CIB1: variants seen among roughly 807,000 people sequenced by gnomAD.
The protein encoded by CIB1 is calcium and integrin-binding protein 1.
CIB1 carries 19 observed loss-of-function variants against 25.0 expected under a neutral mutation model. That is an observed-to-expected ratio of 0.76 (90% CI 0.53 to 1.12). The LOEUF (loss-of-function observed/expected upper bound fraction) is 1.12. Among genes scored for constraint, CIB1 ranks in the 50% most tolerant of loss-of-function variants. The pLI is 0.00. For missense variants in CIB1, 236 were observed against 242.6 expected (o/e 0.97, Z 0.18); for synonymous variants, 104 against 98.5 (o/e 1.06, Z -0.33).
At chr15:90,265,081 C>A in the CIB1 span, 402 of 1,345,684 alleles carry the variant, frequency 3.0e-4, 1 homozygote, top group Middle Eastern at 2.0e-4. Flanking sequence ...AAAGCCCTGC[C>A]CAGGAACCCC....
upstream of CIB1, chr15:90,234,043 C>T: frequency 1.2e-6 from 1 of 863,620 alleles, no homozygotes; most frequent in South Asian, 2.1e-5. Flanking sequence ...CAGGCGTTCC[C>T]AGCCGGGTTT....
At chr15:90,241,019 G>T in the CIB1 span, 2 of 1,614,044 alleles carry the variant, frequency 1.2e-6, no homozygotes, top group East Asian at 2.2e-5. Context: ...AGGATCTCAT[G>T]GCAGAAGGGA....
At chr15:90,240,788 T>G in the CIB1 span, 4 of 688,696 alleles carry the variant, frequency 5.8e-6, no homozygotes, top group Non-Finnish European at 7.1e-6. Context: ...CACTCCAGCC[T>G]GGGTGACAGA....
chr15:90,254,123 G>A, the CIB1 span, among the ~76,000 whole-genome samples: 1 of 152,020 alleles, frequency 6.6e-6, no homozygotes, highest in African/African-American at 2.4e-5. Context: ...AACCCAGGAG[G>A]TGGAGGTTGC....
the CIB1 span, chr15:90,258,732 C>T: frequency 6.2e-7 from 1 of 1,613,122 alleles, no homozygotes; most frequent in African/African-American, 1.3e-5. Context: ...TATAATGACT[C>T]CTCCTGGCAG....
At chr15:90,247,527 A>G in the CIB1 span, among the ~76,000 whole-genome samples, 3 of 151,232 alleles carry the variant, frequency 2.0e-5, no homozygotes, top group Non-Finnish European at 2.9e-5. Context: ...CAGGAAGGAC[A>G]TTGGTGTTGA....
At chr15:90,238,485 C>T (rs1361733950), upstream of CIB1, 1 of 152,120 alleles carries the variant, frequency 6.6e-6, no homozygotes, top group Non-Finnish European at 1.5e-5. Context: ...GTTTTATTAA[C>T]ATGAAGTTTC....
the CIB1 span, among the ~76,000 whole-genome samples, chr15:90,252,963 A>C: frequency 6.6e-6 from 1 of 152,206 alleles, no homozygotes; most frequent in Non-Finnish European, 1.5e-5. Flanking sequence ...AGACCGTGCC[A>C]CTGCACTCCA....
the CIB1 span, chr15:90,259,018 T>G: frequency 6.3e-7 from 1 of 1,599,824 alleles, no homozygotes; most frequent in East Asian, 2.2e-5. Context: ...TGGGGCTGAT[T>G]TGCTATCAAA....
chr15:90,233,567 T>C (rs1346676915), intron 2 of CIB1, 102 bp downstream of exon 2: 1 of 1,423,848 alleles, frequency 7.0e-7, no homozygotes, highest in Non-Finnish European at 9.7e-7. Flanking sequence ...CCCGCTCCTC[T>C]GCAGACCTCA....
the CIB1 span, chr15:90,265,692 T>G: frequency 6.2e-7 from 1 of 1,612,982 alleles, no homozygotes. Context: ...AGCCGACTGC[T>G]GAAGGCTGGT....
the CIB1 span, chr15:90,250,703 G>T: frequency 6.2e-6 from 10 of 1,614,176 alleles, no homozygotes; most frequent in Middle Eastern, 1.6e-4. Flanking sequence ...TGAGAAGTGT[G>T]TTAAAGAGGG....
At chr15:90,254,305 C>A in the CIB1 span, among the ~76,000 whole-genome samples, 1 of 151,494 alleles carries the variant, frequency 6.6e-6, no homozygotes, top group Non-Finnish European at 1.5e-5. Flanking sequence ...CCAGCCTGAC[C>A]AACAGGGTAA....
the CIB1 span, among the ~76,000 whole-genome samples, chr15:90,254,394 G>C: frequency 6.8e-6 from 1 of 147,700 alleles, no homozygotes; most frequent in South Asian, 2.2e-4. Context: ...TTAGGAGGCT[G>C]AGGCAGGAGA....
chr15:90,231,106 G>A lies in CIB1; in HGVS notation c.454C>T (p.Leu152Phe), dbSNP rs1260592581. The change falls in exon 5 of 7, where the codon CTC (leucine) becomes TTC (phenylalanine). Residue 152 changes from leucine to phenylalanine, a missense_variant. Coordinates refer to ENST00000328649, the MANE Select transcript of CIB1 (RefSeq NM_006384.4). ...GCTCAGCTGCTCACGTTGTCGATGAGCTGCTTCATCTCAGACGCACTAAGC... is the reference window on the plus strand; with the variant it reads ...GCTCAGCTGCTCACGTTGTCGATGAACTGCTTCATCTCAGACGCACTAAGC... ...TRLSASEMKQ[L>F]IDNILEESDI... is the part of the protein sequence containing the mutation. The A allele has an allele frequency of 3.1e-6, 5 of 1,614,068 alleles. No individual in the cohort carries two copies. The highest frequency in any genetic ancestry group is 4.2e-6 in the Non-Finnish European group (5 of 1,180,024).
At chr15:90,249,936 G>C in the CIB1 span, 10 of 122,344 alleles carry the variant, frequency 8.2e-5, no homozygotes, top group East Asian at 7.9e-4. Flanking sequence ...TTGGTCTTCA[G>C]CTGTATTTTA....
the CIB1 span, chr15:90,262,764 G>A: frequency 3.2e-6 from 4 of 1,263,956 alleles, no homozygotes; most frequent in Non-Finnish European, 4.2e-6. Flanking sequence ...TCCTCCCCAT[G>A]CACAAGAGAG....
At chr15:90,261,083 C>CTTT in the CIB1 span, among the ~76,000 whole-genome samples, 1 of 140,922 alleles carries the variant, frequency 7.1e-6, no homozygotes, top group Non-Finnish European at 1.6e-5. Flanking sequence ...TTCTTGTTTT[C>CTTT]TTTTTTTTTT....
At chr15:90,259,100 T>A in the CIB1 span, 1 of 1,408,016 alleles carries the variant, frequency 7.1e-7, no homozygotes, top group Non-Finnish European at 9.3e-7. Flanking sequence ...TGGTGGCTCA[T>A]ATCTGTAATC....
Sources: allele counts gnomAD v4.1 joint callset (sites outside exome capture counted in the v4.1 genomes callset), GRCh38; gene constraint gnomAD v4.1.1; transcripts MANE v1.5; gene names NCBI Gene and HGNC (gene_info 2026-07-23, HGNC 2026-07-21).